Variants in FGF14 observed in about 807,000 individuals in gnomAD.
The protein encoded by FGF14 is fibroblast growth factor 14.
Under a neutral mutation model 25.5 loss-of-function variants are expected in FGF14, and 5 were observed. That is an observed-to-expected ratio of 0.20 (90% confidence interval 0.10 to 0.41). The LOEUF (loss-of-function observed/expected upper bound fraction) is 0.41. Among genes scored for constraint, FGF14 ranks in the 10% least tolerant of loss-of-function variants. The pLI is 1.00. For missense variants in FGF14, 222 were observed against 320.1 expected, an observed-to-expected ratio of 0.69 and a Z score of 2.34; for synonymous variants, 138 against 118.3, an observed-to-expected ratio of 1.17 and a Z score of -1.08.
chr13:101,926,806 T>C (rs938957108), intron 1 of FGF14, among the ~76,000 whole-genome samples: 17 of 152,358 alleles, frequency 1.1e-4, no homozygotes, highest in African/African-American at 3.6e-4. Context: ...GGGAAGTAGA[T>C]AATTGGTCTT....
At chr13:101,736,860 T>C (rs2036223375) in intron 3 of FGF14, among the ~76,000 whole-genome samples, 1 of 151,272 alleles carries the variant, frequency 6.6e-6, no homozygotes, top group African/African-American at 2.4e-5. Flanking sequence ...TCGCTCTAAA[T>C]CACTAATTAT....
chr13:101,809,686 A>G (rs1425104288), intron 3 of FGF14, among the ~76,000 whole-genome samples: 1 of 152,138 alleles, frequency 6.6e-6, no homozygotes, highest in Non-Finnish European at 1.5e-5. Context: ...AATATAACAG[A>G]GCATGAAATG....
At chr13:101,936,942 A>T (rs906501794) in intron 1 of FGF14, among the ~76,000 whole-genome samples, 2 of 152,236 alleles carry the variant, frequency 1.3e-5, no homozygotes, top group Admixed American at 6.5e-5. Flanking sequence ...TCAGTTTAAA[A>T]ATGTCAGATC....
Position 102,316,023 on chromosome 13 carries a change from G to T in FGF14, c.208+85448C>A, listed in dbSNP as rs12867274. On this transcript the variant is annotated intron_variant, in intron 1 of 4. Coordinates refer to the FGF14 transcript ENST00000376131. Reference sequence around the variant, plus strand: ...TCCCACAGCTACACTGTGCAGAGAAGAATAAAGCATTTGGCCAGTGCTGTC... The same window carrying T: ...TCCCACAGCTACACTGTGCAGAGAATAATAAAGCATTTGGCCAGTGCTGTC... Among the ~76,000 whole-genome samples, 516 of 152,298 alleles carry T rather than the reference G, an allele frequency of 3.4e-3. 1 individual carries two copies. Among genetic ancestry groups the T allele is most frequent in the Non-Finnish European group, 6.5e-3 (442 of 68,020 alleles).
At chr13:102,236,987 G>A (rs1304031108) in intron 1 of FGF14, among the ~76,000 whole-genome samples, 5 of 152,126 alleles carry the variant, frequency 3.3e-5, no homozygotes, top group African/African-American at 1.2e-4. Context: ...AAGGACCACA[G>A]AGGGGGCCGC....
chr13:101,933,741 A>G (rs2034918176), intron 1 of FGF14, among the ~76,000 whole-genome samples: 1 of 152,118 alleles, frequency 6.6e-6, no homozygotes, highest in African/African-American at 2.4e-5. Context: ...AAACAAACAA[A>G]CAAACAAAAA....
chr13:101,961,304 G>A (rs1285591296), intron 1 of FGF14, among the ~76,000 whole-genome samples: 2 of 152,020 alleles, frequency 1.3e-5, no homozygotes, highest in Admixed American at 6.6e-5. Context: ...TTTCTTCTAG[G>A]GTTTTTATAG....
upstream of FGF14, among the ~76,000 whole-genome samples, chr13:101,918,373 A>G (rs1025420474): frequency 6.6e-6 from 1 of 152,152 alleles, no homozygotes; most frequent in African/African-American, 2.4e-5. Flanking sequence ...TCAGGCAGCT[A>G]AAGAGAAAGA....
At chr13:101,968,906 G>A (rs889309899) in intron 1 of FGF14, among the ~76,000 whole-genome samples, 1 of 148,524 alleles carries the variant, frequency 6.7e-6, no homozygotes, top group African/African-American at 2.5e-5. Flanking sequence ...AAAAAAGCTG[G>A]GGGTTTGGAA....
chr13:101,928,286 T>A (rs565108693), intron 1 of FGF14, among the ~76,000 whole-genome samples: 1 of 152,286 alleles, frequency 6.6e-6, no homozygotes, highest in African/African-American at 2.4e-5. Context: ...ATAAAGACAC[T>A]TTTTAGTACA....
intron 3 of FGF14, among the ~76,000 whole-genome samples, chr13:101,832,040 G>A (rs765203213): frequency 6.6e-6 from 1 of 152,060 alleles, no homozygotes; most frequent in Non-Finnish European, 1.5e-5. Flanking sequence ...TTAAGTTAAG[G>A]ATCTTGGCAT....
intron 1 of FGF14, among the ~76,000 whole-genome samples, chr13:101,955,590 T>C (rs894772698): frequency 2.0e-5 from 3 of 152,232 alleles, no homozygotes; most frequent in African/African-American, 4.8e-5. Flanking sequence ...GATGACAGCA[T>C]TGGATGTGCG....
chr13:102,332,992 A>T (rs1013844049), intron 1 of FGF14, among the ~76,000 whole-genome samples: 2 of 152,180 alleles, frequency 1.3e-5, no homozygotes, highest in Non-Finnish European at 2.9e-5. Context: ...CTTAAAGGAG[A>T]TCACAACATA....
At chr13:102,344,199 A>G (rs2057035926) in intron 1 of FGF14, among the ~76,000 whole-genome samples, 1 of 152,228 alleles carries the variant, frequency 6.6e-6, no homozygotes. Flanking sequence ...CCTATTAAAA[A>G]CTAAATTAAT....
Position 101,868,819 on chromosome 13 carries a change from T to C in FGF14, c.314A>G (p.Asn105Ser). The C allele has an allele frequency of 1.2e-6, 2 of 1,611,748 alleles. No individual in the cohort carries two copies. Among genetic ancestry groups the C allele is most frequent in the Non-Finnish European group, 8.5e-7 (1 of 1,177,908 alleles). Reference sequence around the variant, plus strand: ...AACACGTAGTCCCACTGGTATGAGGTTGAAGAGTGCTGTGAAGATAAACAT... The same window carrying C: ...AACACGTAGTCCCACTGGTATGAGGCTGAAGAGTGCTGTGAAGATAAACAT... ...KDDSTNSTLF[N>S]LIPVGLRVVA... Residue 105 changes from asparagine (N) to serine (S), a missense_variant, in exon 3 of 5, where the codon AAC becomes AGC. Around this residue, in one of 5 missense-constraint regions of FGF14, gnomAD observed 50 missense variants for 75.2 expected, o/e 0.66. Transcript: ENST00000376143.
In FGF14 at chr13:102,015,954, A is replaced by G. The variant is rs528874765; in HGVS notation, c.209-140658T>C. Among the ~76,000 whole-genome samples the G allele has an allele frequency of 3.3e-5, 5 of 152,294 alleles. No homozygotes were observed. In the East Asian group the frequency reaches 5.8e-4, roughly 18 times the overall value. On this transcript the variant is annotated intron_variant, in intron 1 of 4. Transcript: ENST00000376131. The stretch of plus-strand genomic sequence containing the variant: ...AGAAATACTCTCCAAAATTTAATGT[A>G]TTAGTGCTCAAAACTAGGCTGAGAG...
chr13:102,251,652 A>C (rs973574372), intron 1 of FGF14, among the ~76,000 whole-genome samples: 2 of 152,152 alleles, frequency 1.3e-5, no homozygotes, highest in African/African-American at 4.8e-5. Flanking sequence ...TCTACTAGCT[A>C]TGCTCTGCAC....
chr13:101,786,345 G>T (rs1452487077), intron 3 of FGF14, among the ~76,000 whole-genome samples: 1 of 152,192 alleles, frequency 6.6e-6, no homozygotes, highest in Admixed American at 6.5e-5. Flanking sequence ...ATGATGAAGA[G>T]AAAATACTTT....
At chr13:101,858,960 C>G (rs991139205) in intron 3 of FGF14, among the ~76,000 whole-genome samples, 1 of 152,090 alleles carries the variant, frequency 6.6e-6, no homozygotes. Flanking sequence ...TTCATTAATG[C>G]AAATATGGCC....
Sources: allele counts gnomAD v4.1 joint callset (sites outside exome capture counted in the v4.1 genomes callset), GRCh38; gene constraint gnomAD v4.1.1; regional missense constraint gnomAD v4.1.1; transcripts MANE v1.5; gene names NCBI Gene and HGNC (gene_info 2026-07-23, HGNC 2026-07-21).